RIC1: variants seen among roughly 807,000 people sequenced by gnomAD.
The protein encoded by RIC1 is guanine nucleotide exchange factor subunit RIC1.
A neutral mutation model predicts 169.0 loss-of-function variants in RIC1; 88 were observed. The ratio of observed to expected loss-of-function variants is 0.52; its 90% CI spans 0.44 to 0.62. The LOEUF is 0.62. Among genes scored for constraint, RIC1 ranks in the 20% least tolerant of loss-of-function variants. The pLI is 0.00. For synonymous variants in RIC1, 790 were observed against 601.5 expected (o/e 1.31, Z -4.59); for missense variants, 1,877 against 1,725.5 (o/e 1.09, Z -1.56).
chr9:5,672,564 A>AT (rs772159991), intron 2 of RIC1, among the ~76,000 whole-genome samples: 30 of 152,294 alleles, frequency 2.0e-4, no homozygotes, highest in South Asian at 4.1e-4. Flanking sequence ...TTTTGAAAAG[A>AT]TAAGAGACCT....
At chr9:5,642,229 C>G (rs1818285949) in intron 1 of RIC1, among the ~76,000 whole-genome samples, 1 of 145,034 alleles carries the variant, frequency 6.9e-6, no homozygotes, top group Non-Finnish European at 1.5e-5. Flanking sequence ...TTACTTTCTT[C>G]CAAACAAATG....
At chr9:5,680,665 G>A (rs1820763700) in intron 2 of RIC1, among the ~76,000 whole-genome samples, 1 of 152,072 alleles carries the variant, frequency 6.6e-6, no homozygotes, top group African/African-American at 2.4e-5. Flanking sequence ...TCTGATGGTA[G>A]TTTGTATTTC....
intron 3 of RIC1, among the ~76,000 whole-genome samples, chr9:5,692,744 G>C (rs187577729): frequency 1.3e-5 from 2 of 152,152 alleles, no homozygotes; most frequent in African/African-American, 4.8e-5. Context: ...CTGAAAAATA[G>C]TGGTTATATA....
intron 7 of RIC1, among the ~76,000 whole-genome samples, chr9:5,738,019 C>T (rs1029785615): frequency 6.6e-6 from 1 of 152,026 alleles, no homozygotes; most frequent in Non-Finnish European, 1.5e-5. Context: ...TGGGCCCATG[C>T]AGTTCAGATC....
intron 2 of RIC1, among the ~76,000 whole-genome samples, chr9:5,673,250 A>G (rs933840746): frequency 1.1e-4 from 17 of 152,028 alleles, no homozygotes; most frequent in African/African-American, 4.1e-4. Flanking sequence ...TGGACGAACA[A>G]GGCAACTTGC....
chr9:5,740,354 A>C (rs1204312451), intron 8 of RIC1, among the ~76,000 whole-genome samples: 1 of 152,010 alleles, frequency 6.6e-6, no homozygotes, highest in East Asian at 1.9e-4. Context: ...AGAAACCCCA[A>C]AACCAATGAA....
At chr9:5,656,150 A>C (rs918477867) in intron 1 of RIC1, among the ~76,000 whole-genome samples, 7 of 152,264 alleles carry the variant, frequency 4.6e-5, no homozygotes, top group Non-Finnish European at 1.0e-4. Flanking sequence ...GATTACAGGC[A>C]TGAGCCACCG....
intron 3 of RIC1, among the ~76,000 whole-genome samples, chr9:5,694,019 TCTC>T (rs753883630): frequency 3.9e-5 from 6 of 152,048 alleles, no homozygotes; most frequent in Non-Finnish European, 8.8e-5. Context: ...TATAATCAAA[TCTC>T]CTTCTCCTCT....
At chr9:5,656,468 G>T in intron 1 of RIC1, 115 bp from the exon 2 acceptor site, 2 of 522,816 alleles carry the variant, frequency 3.8e-6, no homozygotes, top group South Asian at 7.3e-5. Context: ...TATCAATATT[G>T]TCTTTTATTT....
At chr9:5,676,791 T>G (rs1057351025) in intron 2 of RIC1, among the ~76,000 whole-genome samples, 1 of 152,254 alleles carries the variant, frequency 6.6e-6, no homozygotes, top group African/African-American at 2.4e-5. Flanking sequence ...TTATATAAAT[T>G]AAGTCATACA....
In RIC1 at chr9:5,647,679, A is replaced by G. The variant is rs1215744326; in HGVS notation, c.145-8904A>G. Among the ~76,000 whole-genome samples, 7 of 152,194 alleles carry G rather than the reference A, an allele frequency of 4.6e-5. No homozygotes were observed. In the South Asian group the frequency reaches 1.2e-3, roughly 27 times the overall value. On this transcript the variant is annotated intron_variant, in intron 1 of 25. Coordinates refer to ENST00000414202, the MANE Select transcript of RIC1 (RefSeq NM_020829.4). ...CTTTAGAGTCTTTACATATAAGATC[A>G]TGTCATCTTCAAACATATAATTTTA...
At chr9:5,644,270 A>G (rs1818395897) in intron 1 of RIC1, among the ~76,000 whole-genome samples, 1 of 152,098 alleles carries the variant, frequency 6.6e-6, no homozygotes, top group South Asian at 2.1e-4. Flanking sequence ...CTTTTTGTCC[A>G]TTTGATTTAG....
chr9:5,679,786 A>T (rs960893860), intron 2 of RIC1, among the ~76,000 whole-genome samples: 1 of 152,226 alleles, frequency 6.6e-6, no homozygotes, highest in African/African-American at 2.4e-5. Flanking sequence ...TCATCTGCAG[A>T]CAGGGACAAT....
intron 3 of RIC1, among the ~76,000 whole-genome samples, chr9:5,690,442 A>C (rs563545765): frequency 6.6e-6 from 1 of 152,030 alleles, no homozygotes; most frequent in Non-Finnish European, 1.5e-5. Context: ...TCTTGGTTTA[A>C]ATTTGGGAAA....
intron 2 of RIC1, among the ~76,000 whole-genome samples, chr9:5,687,052 T>G (rs1384577281): frequency 1.3e-5 from 2 of 152,230 alleles, no homozygotes; most frequent in Non-Finnish European, 2.9e-5. Context: ...GGTACAGATT[T>G]CTTTTCAGTG....
intron 1 of RIC1, among the ~76,000 whole-genome samples, chr9:5,646,764 A>G (rs1223744218): frequency 2.6e-5 from 4 of 151,964 alleles, no homozygotes; most frequent in Non-Finnish European, 4.4e-5. Context: ...CAAGGGTTAC[A>G]TTTTTACTCT....
rs898669852 is a variant in RIC1, at chr9:5,770,106, G to A, written c.3444G>A (p.Lys1148=). Residue 1148 remains lysine (K), a synonymous_variant, in exon 23 of 26, where the codon AAG becomes AAA. Coordinates refer to ENST00000414202, the MANE Select transcript of RIC1 (RefSeq NM_020829.4). ...KYRTVGEQLL[K]SQSADPFLNL... ...CTGCAGTGGGAGAGCAGCTGTTAAA[G>A]TCTCAATCAGCTGACCCATTTTTGA... 1 of 1,612,838 alleles carries A rather than the reference G, an allele frequency of 6.2e-7. No homozygotes were observed. Among genetic ancestry groups the A allele is most frequent in the Non-Finnish European group, 8.5e-7 (1 of 1,179,468 alleles).
At chr9:5,771,585 T>C (rs1371095363) in intron 23 of RIC1, among the ~76,000 whole-genome samples, 2 of 143,784 alleles carry the variant, frequency 1.4e-5, no homozygotes, top group African/African-American at 4.9e-5. Context: ...TGCATTTTTT[T>C]TGAGGAATCG....
chr9:5,683,169 C>G (rs1290584026), intron 2 of RIC1, among the ~76,000 whole-genome samples: 2 of 152,164 alleles, frequency 1.3e-5, no homozygotes, highest in Non-Finnish European at 1.5e-5. Flanking sequence ...TTCCATCAAG[C>G]TTTGTTACAT....
Sources: gnomAD v4.1 joint callset for allele counts (sites outside exome capture counted in the v4.1 genomes callset) on GRCh38, gnomAD v4.1.1 for gene constraint, MANE v1.5 for transcripts, NCBI Gene and HGNC (gene_info 2026-07-23, HGNC 2026-07-21) for gene names.